MTFMT: variants seen among roughly 807,000 people sequenced by gnomAD.
MTFMT encodes the protein mitochondrial methionyl-tRNA formyltransferase.
Under a neutral mutation model 51.8 loss-of-function variants are expected in MTFMT, and 47 were observed. The ratio of observed to expected loss-of-function variants is 0.91; its 90% CI spans 0.72 to 1.16. The LOEUF is 1.16. MTFMT is among the 50% of genes most tolerant of loss of function. The pLI, the probability that MTFMT is intolerant of heterozygous loss-of-function variation, is 0.00. For synonymous variants in MTFMT, 196 were observed against 176.7 expected (o/e 1.11, Z -0.87); for missense variants, 512 against 482.3 (o/e 1.06, Z -0.58).
intron 1 of MTFMT, 59 bp downstream of exon 1, chr15:65,029,346 G>A (rs1042374507): frequency 6.7e-6 from 9 of 1,348,434 alleles, no homozygotes; most frequent in South Asian, 1.8e-5. Flanking sequence ...GGGGCCGGCC[G>A]CCCGGGCGCG....
chr15:65,013,718 C>T (rs986586681), intron 6 of MTFMT, among the ~76,000 whole-genome samples: 11 of 152,064 alleles, frequency 7.2e-5, no homozygotes, highest in African/African-American at 1.9e-4. Context: ...CTGAGGTGGG[C>T]GGATCACTCA....
rs967516859 is a variant in MTFMT at position 65,029,602 on chromosome 15, C to T, written c.12G>A (p.Leu4=). ...GCGGAGGACCCCAACAGCGCCGCAC[C>T]AACACCCTCATCGCCTCGGCCGCCG... MRV[L]VRRCWGPPLA... The change falls in exon 1 of 9, where the codon TTG becomes TTA. Residue 4 remains leucine (L), a synonymous_variant. Transcript: ENST00000220058. The T allele has an allele frequency of 2.8e-6, 4 of 1,426,500 alleles. No individual in the cohort carries two copies. The highest frequency in any genetic ancestry group is 3.7e-6 in the Non-Finnish European group (4 of 1,085,862). The allele number at this position is 1,426,500 out of a possible 1,614,324, so 88.4% of individuals were successfully genotyped here.
Position 65,026,991 on chromosome 15 carries a change from G to T in MTFMT, c.259C>A (p.Pro87Thr). ...GGCAGTCCTTTTGGTGATGGGGAAGGCATTGTGACCACCTCCAGTTTGTCG... is the reference window on the plus strand; with the variant it reads ...GGCAGTCCTTTTGGTGATGGGGAAGTCATTGTGACCACCTCCAGTTTGTCG... ...LIDKLEVVTMPSPSPKGLPVK... is the reference protein window; with the variant it reads ...LIDKLEVVTMTSPSPKGLPVK... The change falls in exon 2 of 9, where the codon CCT becomes ACT. Residue 87 changes from proline to threonine, a missense_variant. By Grantham distance (38) the Pro-to-Thr change is conservative. Coordinates refer to ENST00000220058, the MANE Select transcript of MTFMT (RefSeq NM_139242.4). 1 of 1,613,948 alleles carries T rather than the reference G, an allele frequency of 6.2e-7. No homozygotes were observed. The highest frequency in any genetic ancestry group is 8.5e-7 in the Non-Finnish European group (1 of 1,179,882).
chr15:65,018,050 G>A (rs182353267), intron 5 of MTFMT, among the ~76,000 whole-genome samples: 1 of 152,044 alleles, frequency 6.6e-6, no homozygotes, highest in East Asian at 1.9e-4. Context: ...AGAGATGGAA[G>A]TAGGACTTCT....
Position 65,002,984 on chromosome 15 carries a change from A to T in MTFMT, c.*78T>A. The T allele has an allele frequency of 2.2e-6, 2 of 898,826 alleles. No homozygotes were observed. Among genetic ancestry groups the T allele is most frequent in the Non-Finnish European group, 3.0e-6 (2 of 656,998 alleles). 55.7% of individuals were successfully genotyped at this position (898,826 alleles called of 1,614,324 possible). Reference sequence around the variant, plus strand: ...TCTCAAAAAAAAAAAAAAAAAAAAAAGTCCAGATAATTCCTTGTAAATAAG... The same window carrying T: ...TCTCAAAAAAAAAAAAAAAAAAAAATGTCCAGATAATTCCTTGTAAATAAG... On this transcript the variant is annotated 3_prime_UTR_variant, in exon 9 of 9. Transcript: ENST00000220058.
chr15:65,024,528 T>C (rs2086405152), intron 2 of MTFMT, among the ~76,000 whole-genome samples: 1 of 152,120 alleles, frequency 6.6e-6, no homozygotes, highest in Non-Finnish European at 1.5e-5. Context: ...TTTTTAATTT[T>C]TTTTTGAGAC....
rs2086430500 is a variant in MTFMT, at chr15:65,026,989, A to G, written c.261T>C (p.Pro87=). The G allele has an allele frequency of 6.2e-7, 1 of 1,613,884 alleles. No homozygotes were observed. The highest frequency in any genetic ancestry group is 8.5e-7 in the Non-Finnish European group (1 of 1,179,896). The change falls in exon 2 of 9, where the codon CCT becomes CCC. Residue 87 remains proline, a synonymous_variant. Transcript: ENST00000220058. ...CTGGCAGTCCTTTTGGTGATGGGGA[A>G]GGCATTGTGACCACCTCCAGTTTGT... is the stretch of plus-strand genomic sequence containing the variant. ...LIDKLEVVTM[P]SPSPKGLPVK...
At chr15:65,011,132 G>C (rs1174848246) in intron 6 of MTFMT, among the ~76,000 whole-genome samples, 1 of 152,024 alleles carries the variant, frequency 6.6e-6, no homozygotes, top group Non-Finnish European at 1.5e-5. Flanking sequence ...GACCAGCCAG[G>C]TCAACATGGT....
rs766821187 is a variant in MTFMT at position 65,016,444 on chromosome 15, C to A, written c.805G>T (p.Gly269Ter). The A allele has an allele frequency of 3.7e-6, 6 of 1,600,468 alleles. No homozygotes were observed. The East Asian group carries it at 1.3e-4, about 36-fold the overall frequency. The change falls in exon 6 of 9, where the codon GGA becomes TGA. Residue 269 changes from glycine to a stop codon, truncating the protein, a stop_gained. Coordinates refer to ENST00000220058, the MANE Select transcript of MTFMT (RefSeq NM_139242.4). LOFTEE classifies it high-confidence loss of function. ...EQIFRLYRAI[G>*]NIIPLQTLWM... is the part of the protein sequence containing the mutation. The stretch of plus-strand genomic sequence containing the variant: ...CTGACTTCCCAACTTACTATATTTC[C>A]AATGGCACGGTAAAGTCTGAATATT...
Position 65,020,282 on chromosome 15 carries a change from A to G in MTFMT, c.646-10T>C, listed in dbSNP as rs754292264. On this transcript the variant is annotated splice_polypyrimidine_tract_variant and intron_variant, in intron 4 of 8. Coordinates refer to ENST00000220058, the MANE Select transcript of MTFMT (RefSeq NM_139242.4). The stretch of plus-strand genomic sequence containing the variant: ...TCAAAACTGAAATGAGCTACAAAAA[A>G]AAAAAAAAGAGTGTGATATATTCAA... 3 of 1,608,516 alleles carry G rather than the reference A, an allele frequency of 1.9e-6. No individual in the cohort carries two copies. Among genetic ancestry groups the G allele is most frequent in the Non-Finnish European group, 2.5e-6 (3 of 1,177,332 alleles).
chr15:65,010,596 C>T (rs931844361), intron 6 of MTFMT, among the ~76,000 whole-genome samples: 5 of 152,076 alleles, frequency 3.3e-5, no homozygotes, highest in Non-Finnish European at 7.4e-5. Context: ...ATTTTTTTAA[C>T]GCATCCCTCA....
Position 65,023,664 on chromosome 15 carries a change from TG to T in MTFMT, c.542+7del. Reference sequence around the variant, plus strand: ...ACAAAAATCTCAAGAAAGGAAAATATGTGCTACCTTTTAGGTCTAATTTGCA... The same window carrying T: ...ACAAAAATCTCAAGAAAGGAAAATATTGCTACCTTTTAGGTCTAATTTGCA... On this transcript the variant is annotated splice_region_variant and intron_variant, in intron 3 of 8. Transcript: ENST00000220058. 1 of 1,612,556 alleles carries T rather than the reference TG, an allele frequency of 6.2e-7. No homozygotes were observed. The highest frequency in any genetic ancestry group is 1.1e-5 in the South Asian group (1 of 91,008).
chr15:65,026,602 T>C (rs554571344), intron 2 of MTFMT: 22 of 484,500 alleles, frequency 4.5e-5, no homozygotes, highest in Admixed American at 7.1e-5. Flanking sequence ...GTTTGCAGCA[T>C]TCCTTGGGTT....
chr15:65,011,873 A>G (rs1160807070), intron 6 of MTFMT, among the ~76,000 whole-genome samples: 1 of 152,038 alleles, frequency 6.6e-6, no homozygotes. Flanking sequence ...CAATTTCTCT[A>G]TTTTTAGTCT....
At chr15:65,025,620 C>T (rs2414868) in intron 2 of MTFMT, among the ~76,000 whole-genome samples, 150,931 of 152,232 alleles carry the variant, frequency 0.99, 74,825 homozygotes, top group Middle Eastern at 1. Flanking sequence ...GGATATGGGA[C>T]GTAAGAAATC....
Position 65,016,419 on chromosome 15 carries a change from C to A in MTFMT, c.813+17G>T. ...AAAACCAACTAGGTAGAACTGCAAC[C>A]TGACTTCCCAACTTACTATATTTCC... On this transcript the variant is annotated intron_variant, in intron 6 of 8. Coordinates refer to ENST00000220058, the MANE Select transcript of MTFMT (RefSeq NM_139242.4). 2 of 1,543,054 alleles carry A rather than the reference C, an allele frequency of 1.3e-6. No homozygotes were observed. The highest frequency in any genetic ancestry group is 1.7e-5 in the Admixed American group (1 of 58,246).
intron 1 of MTFMT, among the ~76,000 whole-genome samples, chr15:65,027,905 T>TA (rs1372673695): frequency 2.6e-5 from 4 of 152,144 alleles, no homozygotes; most frequent in Non-Finnish European, 5.9e-5. Context: ...CACTACTTTT[T>TA]AAAAAACAAA....
At chr15:65,016,615 G>T in intron 5 of MTFMT, 88 bp from the exon 6 acceptor site, 2 of 729,252 alleles carry the variant, frequency 2.7e-6, no homozygotes, top group East Asian at 2.9e-5. Flanking sequence ...AGATACCAGA[G>T]AATTCATTCT....
intron 1 of MTFMT, among the ~76,000 whole-genome samples, chr15:65,028,366 G>C (rs959342250): frequency 6.6e-6 from 1 of 152,234 alleles, no homozygotes; most frequent in Non-Finnish European, 1.5e-5. Context: ...AGTGAGCTAT[G>C]AGCCGGCCAC....
Sources: gnomAD v4.1 joint callset for allele counts (sites outside exome capture counted in the v4.1 genomes callset) on GRCh38, gnomAD v4.1.1 for gene constraint, MANE v1.5 for transcripts, NCBI Gene and HGNC (gene_info 2026-07-23, HGNC 2026-07-21) for gene names.